The following ST7L variants were observed in gnomAD, a reference collection of about 807,000 sequenced individuals.
The protein encoded by ST7L is suppressor of tumorigenicity 7 protein-like.
Under a neutral mutation model 72.5 loss-of-function variants are expected in ST7L, and 57 were observed. The ratio of observed to expected loss-of-function variants is 0.79; its 90% confidence interval spans 0.64 to 0.98. The LOEUF is 0.98. ST7L is among the 50% of genes least tolerant of loss of function. The pLI is 0.00. For synonymous variants in ST7L, 221 were observed against 240.9 expected (o/e 0.92, Z 0.77); for missense variants, 576 against 672.2 (o/e 0.86, Z 1.58).
chr1:112,537,002 T>G (rs1655316971), intron 14 of ST7L, among the ~76,000 whole-genome samples: 1 of 148,792 alleles, frequency 6.7e-6, no homozygotes, highest in Non-Finnish European at 1.5e-5. Context: ...ACTAGGGACT[T>G]TTTTTTTTTT....
Position 112,619,093 on chromosome 1 carries a change from C to A in ST7L, c.21G>T (p.Val7=), listed in dbSNP as rs760056367. The A allele has an allele frequency of 6.2e-7, 1 of 1,613,354 alleles. No homozygotes were observed. The highest frequency in any genetic ancestry group is 8.5e-7 in the Non-Finnish European group (1 of 1,179,904). The change falls in exon 1 of 15, where the codon GTG becomes GTT. Residue 7 remains valine, a synonymous_variant. Coordinates refer to ENST00000358039, the MANE Select transcript of ST7L (RefSeq NM_017744.5). MADRGG[V]GEAAAVGASP... ...ACGCTCCAACAGCTGCGGCTTCACC[C>A]ACGCCGCCACGGTCCGCCATCTTGC... is the stretch of plus-strand genomic sequence containing the variant.
chr1:112,597,367 T>C (rs966853162), intron 5 of ST7L, among the ~76,000 whole-genome samples: 6 of 152,212 alleles, frequency 3.9e-5, no homozygotes, highest in Admixed American at 1.3e-4. Flanking sequence ...ATAATCCTAA[T>C]GCTTTGTAAT....
At chr1:112,593,892 A>C (rs1666041110) in intron 5 of ST7L, among the ~76,000 whole-genome samples, 1 of 152,170 alleles carries the variant, frequency 6.6e-6, no homozygotes, top group Non-Finnish European at 1.5e-5. Flanking sequence ...ATAAATCATG[A>C]CCTTTATGTG....
At chr1:112,522,691 T>G (rs926262822), downstream of ST7L, 5 of 152,190 alleles carry the variant, frequency 3.3e-5, no homozygotes, top group Non-Finnish European at 5.9e-5. Context: ...GAGTTTAGGG[T>G]GGTTTTTCTT....
intron 4 of ST7L, 117 bp downstream of exon 4, chr1:112,600,677 C>T (rs1401212438): frequency 3.5e-6 from 3 of 846,748 alleles, no homozygotes; most frequent in Admixed American, 2.6e-5. Context: ...TTTACTTTAT[C>T]ATAGACCAGT....
At chr1:112,595,925 T>C (rs1463180241) in intron 5 of ST7L, among the ~76,000 whole-genome samples, 3 of 152,216 alleles carry the variant, frequency 2.0e-5, no homozygotes, top group Non-Finnish European at 4.4e-5. Context: ...TTTTGGGAGA[T>C]ATTCAAATAA....
intron 14 of ST7L, among the ~76,000 whole-genome samples, chr1:112,533,216 T>A (rs949121733): frequency 8.5e-5 from 13 of 152,210 alleles, no homozygotes; most frequent in African/African-American, 3.1e-4. Flanking sequence ...CGTTTGAGTA[T>A]GCAATGTAAA....
At chr1:112,535,242 A>G (rs1185880485) in intron 14 of ST7L, among the ~76,000 whole-genome samples, 3 of 152,036 alleles carry the variant, frequency 2.0e-5, no homozygotes, top group Non-Finnish European at 4.4e-5. Flanking sequence ...GCATGGTGGT[A>G]CATATTGTAG....
chr1:112,540,789 C>T (rs1262053517), intron 14 of ST7L: 1 of 1,283,512 alleles, frequency 7.8e-7, no homozygotes, highest in African/African-American at 1.5e-5. Context: ...CAAGTAAGGA[C>T]TAGTTTTTCC....
intron 13 of ST7L, among the ~76,000 whole-genome samples, chr1:112,546,992 G>A (rs1223099668): frequency 6.6e-6 from 1 of 151,770 alleles, no homozygotes; most frequent in Non-Finnish European, 1.5e-5. Flanking sequence ...ATACAGGTAT[G>A]TATGTATATA....
intron 9 of ST7L, among the ~76,000 whole-genome samples, chr1:112,580,089 G>A (rs1193928569): frequency 6.6e-6 from 1 of 152,172 alleles, no homozygotes; most frequent in African/African-American, 2.4e-5. Context: ...CCCAAGTCAT[G>A]GGGATTCCCA....
chr1:112,559,645 T>A (rs1300341934), intron 11 of ST7L, among the ~76,000 whole-genome samples: 1 of 152,198 alleles, frequency 6.6e-6, no homozygotes, highest in Non-Finnish European at 1.5e-5. Flanking sequence ...AAATTATACT[T>A]CAAGATTTTA....
intron 14 of ST7L, chr1:112,540,766 G>A: frequency 7.9e-7 from 1 of 1,271,288 alleles, no homozygotes; most frequent in South Asian, 1.3e-5. Flanking sequence ...GAAAAATACA[G>A]AAAATACATT....
rs1653066969 is a variant in ST7L at position 112,524,182 on chromosome 1, CTT to C, written c.*1829_*1830del. Reference sequence around the variant, plus strand: ...TTATCAAGAACACCAACCAGTAAGTCTTTGCCAAATTCTCAGACCCACTCAGG... The same window carrying C: ...TTATCAAGAACACCAACCAGTAAGTCTGCCAAATTCTCAGACCCACTCAGG... On this transcript the variant is annotated 3_prime_UTR_variant, in exon 15 of 15. Transcript: ENST00000358039. 6.6e-6 allele frequency: 1 copy of C among 152,574 alleles called. No homozygotes were observed. Among genetic ancestry groups the C allele is most frequent in the African/African-American group, 2.4e-5 (1 of 41,416 alleles). 9.5% of individuals were successfully genotyped at this position (152,574 alleles called of 1,614,324 possible).
At chr1:112,531,531 TG>T (rs561299054) in intron 14 of ST7L, among the ~76,000 whole-genome samples, 155 of 152,358 alleles carry the variant, frequency 1.0e-3, no homozygotes, top group African/African-American at 3.5e-3. Context: ...TAGTCTAGAC[TG>T]ACCTTTTGGG....
At chr1:112,540,398 C>T (rs1655917167) in intron 14 of ST7L, 5 of 985,420 alleles carry the variant, frequency 5.1e-6, no homozygotes, top group East Asian at 1.1e-4. Flanking sequence ...GATGCACTCA[C>T]TCAACTATTA....
At chr1:112,574,043 T>C (rs936851582) in intron 11 of ST7L, among the ~76,000 whole-genome samples, 7 of 146,466 alleles carry the variant, frequency 4.8e-5, no homozygotes, top group Non-Finnish European at 3.0e-5. Context: ...GCCCCCCAAG[T>C]AGCTGGGACT....
chr1:112,551,972 T>C (rs1658280577), intron 12 of ST7L, among the ~76,000 whole-genome samples: 1 of 152,184 alleles, frequency 6.6e-6, no homozygotes, highest in Non-Finnish European at 1.5e-5. Context: ...TTAAGAAAGA[T>C]TCATAAAAAC....
intron 11 of ST7L, among the ~76,000 whole-genome samples, chr1:112,568,437 T>C (rs925205675): frequency 1.0e-4 from 15 of 149,722 alleles, no homozygotes; most frequent in African/African-American, 2.5e-4. Context: ...CCCAGGTTCA[T>C]GCCATTCTCC....
Sources: gnomAD v4.1 joint callset for allele counts (sites outside exome capture counted in the v4.1 genomes callset) on GRCh38, gnomAD v4.1.1 for gene constraint, MANE v1.5 for transcripts, NCBI Gene and HGNC (gene_info 2026-07-23, HGNC 2026-07-21) for gene names.